The following AGBL4 variants were observed in gnomAD, a reference collection of about 807,000 sequenced individuals.
AGBL4 encodes AGBL carboxypeptidase 4.
AGBL4 carries 58 observed loss-of-function variants against 66.4 expected under a neutral mutation model. The ratio of observed to expected loss-of-function variants is 0.87; its 90% confidence interval spans 0.71 to 1.09. The LOEUF is 1.09. Ranked by LOEUF, AGBL4 falls within the 50% of genes least tolerant of loss-of-function variation. The pLI, the probability that AGBL4 is intolerant of heterozygous loss-of-function variation, is 0.00. For missense variants in AGBL4, 579 were observed against 631.0 expected (o/e 0.92, Z 0.88); for synonymous variants, 234 against 222.9 (o/e 1.05, Z -0.44).
chr1:49,881,384 T>C (rs920204001), intron 1 of AGBL4, among the ~76,000 whole-genome samples: 2 of 152,154 alleles, frequency 1.3e-5, no homozygotes, highest in Non-Finnish European at 2.9e-5. Flanking sequence ...TGATTTATAG[T>C]CCTCTGGGTA....
At chr1:48,657,866 T>C (rs1646045484) in intron 7 of AGBL4, among the ~76,000 whole-genome samples, 1 of 152,248 alleles carries the variant, frequency 6.6e-6, no homozygotes, top group Non-Finnish European at 1.5e-5. Context: ...ACTTCTTTTT[T>C]GAGATTGAGG....
chr1:49,129,360 T>C (rs1002521644), intron 4 of AGBL4, among the ~76,000 whole-genome samples: 30 of 152,020 alleles, frequency 2.0e-4, no homozygotes, highest in Admixed American at 3.9e-4. Flanking sequence ...ATGTGCACAA[T>C]GTGCAGGTTA....
At chr1:49,969,642 C>T (rs1657884160) in intron 1 of AGBL4, among the ~76,000 whole-genome samples, 1 of 152,092 alleles carries the variant, frequency 6.6e-6, no homozygotes, top group South Asian at 2.1e-4. Context: ...TTTTACTTAG[C>T]ATAATGTCCT....
intron 6 of AGBL4, among the ~76,000 whole-genome samples, chr1:48,811,296 T>G (rs1463001797): frequency 6.6e-6 from 1 of 152,154 alleles, no homozygotes; most frequent in Non-Finnish European, 1.5e-5. Flanking sequence ...TCAACATTGG[T>G]ACATAGTTTA....
chr1:49,679,740 A>C (rs1646651524), intron 3 of AGBL4, among the ~76,000 whole-genome samples: 1 of 152,198 alleles, frequency 6.6e-6, no homozygotes, highest in South Asian at 2.1e-4. Context: ...TATCTTTTTC[A>C]TCAGCACATA....
chr1:49,918,928 C>T (rs1337880065), intron 1 of AGBL4, among the ~76,000 whole-genome samples: 3 of 152,158 alleles, frequency 2.0e-5, no homozygotes, highest in Non-Finnish European at 2.9e-5. Context: ...GCTGGTTCAA[C>T]ATACAAAAAT....
At chr1:49,645,458 A>T (rs909492033) in intron 3 of AGBL4, among the ~76,000 whole-genome samples, 3 of 151,438 alleles carry the variant, frequency 2.0e-5, no homozygotes, top group Non-Finnish European at 4.4e-5. Context: ...AAATAAACAG[A>T]TTTTCTGAAC....
At chr1:49,927,461 G>A (rs959018283) in intron 1 of AGBL4, among the ~76,000 whole-genome samples, 4 of 152,056 alleles carry the variant, frequency 2.6e-5, no homozygotes, top group African/African-American at 7.2e-5. Context: ...ACAAGCAGGG[G>A]AAATGCCAGA....
At chr1:49,385,801 G>C (rs1485805561) in intron 3 of AGBL4, among the ~76,000 whole-genome samples, 2 of 151,950 alleles carry the variant, frequency 1.3e-5, no homozygotes, top group African/African-American at 4.8e-5. Context: ...CAAAAGTATT[G>C]GTATTCTGTG....
At chr1:48,616,398 G>T (rs1645318851) in intron 9 of AGBL4, among the ~76,000 whole-genome samples, 1 of 152,114 alleles carries the variant, frequency 6.6e-6, no homozygotes, top group Non-Finnish European at 1.5e-5. Flanking sequence ...AAAGAACAGG[G>T]TTTTCTAAGG....
At chr1:48,667,945 G>A (rs1321973287) in intron 6 of AGBL4, among the ~76,000 whole-genome samples, 9 of 152,178 alleles carry the variant, frequency 5.9e-5, no homozygotes, top group African/African-American at 1.2e-4. Flanking sequence ...ATGCTAATGC[G>A]AAGGAAGAAG....
At chr1:49,603,790 G>A (rs951727701) in intron 3 of AGBL4, among the ~76,000 whole-genome samples, 24 of 151,946 alleles carry the variant, frequency 1.6e-4, no homozygotes, top group African/African-American at 4.8e-4. Context: ...AGCTTAGGCC[G>A]CACTTGTAAG....
chr1:48,791,944 C>T (rs1645562371), intron 6 of AGBL4, among the ~76,000 whole-genome samples: 1 of 152,176 alleles, frequency 6.6e-6, no homozygotes, highest in African/African-American at 2.4e-5. Flanking sequence ...GGTCCTTACC[C>T]TGCAGGAAAT....
chr1:49,348,907 T>C (rs961018838), intron 3 of AGBL4, among the ~76,000 whole-genome samples: 3 of 152,190 alleles, frequency 2.0e-5, no homozygotes, highest in Non-Finnish European at 4.4e-5. Flanking sequence ...TCTTCCAGGG[T>C]AAATAGTGAA....
chr1:49,160,633 G>A (rs989046857), intron 4 of AGBL4, among the ~76,000 whole-genome samples: 1 of 152,148 alleles, frequency 6.6e-6, no homozygotes, highest in African/African-American at 2.4e-5. Context: ...GTTCAAATCT[G>A]CTGAAGCTGT....
intron 3 of AGBL4, among the ~76,000 whole-genome samples, chr1:49,278,956 T>A (rs986527487): frequency 7.9e-5 from 12 of 152,198 alleles, no homozygotes; most frequent in African/African-American, 2.9e-4. Context: ...AAGTTGAACT[T>A]TTATAAATGT....
intron 3 of AGBL4, among the ~76,000 whole-genome samples, chr1:49,276,626 C>T (rs769288671): frequency 6.6e-6 from 1 of 152,140 alleles, no homozygotes; most frequent in African/African-American, 2.4e-5. Flanking sequence ...GAAACACGTA[C>T]CATCTATTCT....
chr1:48,987,306 A>G (rs1350169261), intron 5 of AGBL4, among the ~76,000 whole-genome samples: 2 of 152,034 alleles, frequency 1.3e-5, no homozygotes. Context: ...ACATAAATAG[A>G]TTAAAAGTAA....
rs146805948 is a variant in AGBL4 at position 48,604,758 on chromosome 1, T to C, written c.952-13773A>G. Among the ~76,000 whole-genome samples the C allele has an allele frequency of 9.3e-4, 142 of 152,280 alleles. 1 individual carries two copies. The highest frequency in any genetic ancestry group is 3.2e-3 in the African/African-American group (132 of 41,544). ...TCCCTCCAAAGAGAGGACTTTTGATTTTTATGAACTGCTTCACTTAGCCAG... is the reference window on the plus strand; with the variant it reads ...TCCCTCCAAAGAGAGGACTTTTGATCTTTATGAACTGCTTCACTTAGCCAG... On this transcript the variant is annotated intron_variant, in intron 9 of 13. Coordinates refer to ENST00000371839, the MANE Select transcript of AGBL4 (RefSeq NM_032785.4).
Sources: gnomAD v4.1 joint callset for allele counts (sites outside exome capture counted in the v4.1 genomes callset) on GRCh38, gnomAD v4.1.1 for gene constraint, MANE v1.5 for transcripts, NCBI Gene and HGNC (gene_info 2026-07-23, HGNC 2026-07-21) for gene names.